FBXO42: variants seen among roughly 807,000 people sequenced by gnomAD.
FBXO42 encodes F-box protein 42.
FBXO42 carries 12 observed loss-of-function variants against 71.7 expected under a neutral mutation model. The observed-to-expected ratio is 0.17, with a 90% CI of 0.11 to 0.27. The LOEUF is 0.27. FBXO42 is among the 10% of genes least tolerant of loss of function. The probability of loss-of-function intolerance (pLI) is 1.00; values close to 1 mark genes in which losing one functional copy is unlikely to be tolerated. For synonymous variants in FBXO42, 325 were observed against 327.5 expected (o/e 0.99, Z 0.08); for missense variants, 707 against 911.9 (o/e 0.78, Z 2.89).
At chr1:16,299,578 G>A (rs1306517098) in intron 3 of FBXO42, among the ~76,000 whole-genome samples, 1 of 152,106 alleles carries the variant, frequency 6.6e-6, no homozygotes, top group African/African-American at 2.4e-5. Flanking sequence ...AGTCAGTTTA[G>A]GCAGCTATAT....
rs2081583888 is a variant in FBXO42 at position 16,250,866 on chromosome 1, T to G, written c.1958A>C (p.Asp653Ala). The change falls in exon 10 of 10, where the codon GAC (aspartate) becomes GCC (alanine). Residue 653 changes from aspartate to alanine, a missense_variant. Physicochemically the swap from Asp to Ala is moderately radical, Grantham distance 126 (BLOSUM62 -2). Around this residue, in one of 5 missense-constraint regions of FBXO42, gnomAD observed 482 missense variants for 587.1 expected, o/e 0.82. Transcript: ENST00000375592. This position sits in a 1 kb window ranked among gnomAD's most constrained non-coding sequence, Gnocchi z 4.7. ...TTTGACCCGCCCCTTCTCCTTGGTG[T>G]CTTTAATGTCCAGCACGTACATCTG... ...PMQMYVLDIK[D>A]TKEKGRVKWK... 1 of 1,614,148 alleles carries G rather than the reference T, an allele frequency of 6.2e-7. No individual in the cohort carries two copies. The highest frequency in any genetic ancestry group is 8.5e-7 in the Non-Finnish European group (1 of 1,180,018).
At chr1:16,286,693 G>A (rs1265865093) in intron 4 of FBXO42, among the ~76,000 whole-genome samples, 2 of 152,142 alleles carry the variant, frequency 1.3e-5, no homozygotes, top group Non-Finnish European at 2.9e-5. Flanking sequence ...CCACCTGGAT[G>A]TCCTAATAAG....
chr1:16,343,826 A>T (rs1474537185), intron 1 of FBXO42, among the ~76,000 whole-genome samples: 1 of 151,744 alleles, frequency 6.6e-6, no homozygotes. Context: ...CTCAAAAAAA[A>T]ATATTGGCCA....
chr1:16,296,373 C>T (rs942363417), intron 3 of FBXO42, among the ~76,000 whole-genome samples: 1 of 150,170 alleles, frequency 6.7e-6, no homozygotes, highest in Non-Finnish European at 1.5e-5. Flanking sequence ...AGATTCAGGC[C>T]AGGTGCAGTG....
rs2082538055 is a variant in FBXO42, at chr1:16,334,976, C to T, written c.-18+17279G>A. Among the ~76,000 whole-genome samples, 3 of 145,414 alleles carry T rather than the reference C, an allele frequency of 2.1e-5. No individual in the cohort carries two copies. The South Asian group carries it at 6.4e-4, about 31-fold the overall frequency. On this transcript the variant is annotated intron_variant, in intron 1 of 9. Transcript: ENST00000375592. ...GCGCAGTGGTTCACACCCGTAATCC[C>T]AGCACTGTGGGAAGCCAAGGTGGGC...
intron 3 of FBXO42, among the ~76,000 whole-genome samples, chr1:16,299,918 C>T (rs2082173708): frequency 6.6e-6 from 1 of 152,220 alleles, no homozygotes; most frequent in Non-Finnish European, 1.5e-5. Context: ...GCTGGGATTA[C>T]AGGCGTGAGC....
chr1:16,321,216 T>G (rs2082407468), intron 1 of FBXO42, among the ~76,000 whole-genome samples: 1 of 152,212 alleles, frequency 6.6e-6, no homozygotes, highest in Non-Finnish European at 1.5e-5. Flanking sequence ...AGGGCATGTT[T>G]GCTAACTTGG....
Position 16,248,567 on chromosome 1 carries a change from G to A in FBXO42, c.*2103C>T, listed in dbSNP as rs1049461301. The A allele has an allele frequency of 3.9e-5, 6 of 152,148 alleles. No individual in the cohort carries two copies. Among genetic ancestry groups the A allele is most frequent in the African/African-American group, 1.2e-4 (5 of 41,404 alleles). The allele number at this position is 152,148 out of a possible 1,614,324, so 9.4% of individuals were successfully genotyped here. The stretch of plus-strand genomic sequence containing the variant: ...TCTAATATACTTTATATTTAGATAG[G>A]AACTACTGAGTTTGGAGGCACAGTC... On this transcript the variant is annotated 3_prime_UTR_variant, in exon 10 of 10. Coordinates refer to ENST00000375592, the MANE Select transcript of FBXO42 (RefSeq NM_018994.3).
At chr1:16,350,757 A>AAAAAAAAGAAAG (rs1553156683) in intron 1 of FBXO42, among the ~76,000 whole-genome samples, 1 of 44,248 alleles carries the variant, frequency 2.3e-5, no homozygotes, top group African/African-American at 8.5e-5. Flanking sequence ...AAAAAAAAAA[A>AAAAAAAAGAAAG]AAAGAAAGAA....
intron 1 of FBXO42, among the ~76,000 whole-genome samples, chr1:16,340,941 C>A (rs954079131): frequency 6.6e-6 from 1 of 151,972 alleles, no homozygotes; most frequent in Non-Finnish European, 1.5e-5. Flanking sequence ...TTCTATTGTA[C>A]CATACCAAAA....
At chr1:16,300,539 T>G (rs1191253092) in intron 3 of FBXO42, among the ~76,000 whole-genome samples, 1 of 152,204 alleles carries the variant, frequency 6.6e-6, no homozygotes, top group Non-Finnish European at 1.5e-5. Flanking sequence ...TTTTGTTTCT[T>G]CACCTGTCTC....
intron 2 of FBXO42, among the ~76,000 whole-genome samples, chr1:16,313,845 T>C (rs980213507): frequency 3.9e-5 from 6 of 152,180 alleles, no homozygotes; most frequent in Non-Finnish European, 4.4e-5. Context: ...AAACAAAAAA[T>C]GGGCCCTTTC....
Position 16,253,105 on chromosome 1 carries a change from A to G in FBXO42, c.912T>C (p.Gly304=). The G allele has an allele frequency of 6.2e-7, 1 of 1,613,668 alleles. No homozygotes were observed. Among genetic ancestry groups the G allele is most frequent in the Non-Finnish European group, 8.5e-7 (1 of 1,179,850 alleles). ...ATILILGGCG[G]PNALFKDAWL... Reference sequence around the variant, plus strand: ...CAGAAGCAATACTCACAGCATTGGGACCGCCACACCCTCCGAGGATTAAGA... The same window carrying G: ...CAGAAGCAATACTCACAGCATTGGGGCCGCCACACCCTCCGAGGATTAAGA... The change falls in exon 8 of 10, where the codon GGT becomes GGC. Residue 304 remains glycine (G), a synonymous_variant. Coordinates refer to ENST00000375592, the MANE Select transcript of FBXO42 (RefSeq NM_018994.3).
At chr1:16,265,380 C>T (rs1034352973) in intron 4 of FBXO42, among the ~76,000 whole-genome samples, 1 of 152,048 alleles carries the variant, frequency 6.6e-6, no homozygotes, top group East Asian at 1.9e-4. Context: ...CATGAGCTAC[C>T]GTGCCCGGCC....
chr1:16,279,186 C>T (rs898645201), intron 4 of FBXO42, among the ~76,000 whole-genome samples: 2 of 152,258 alleles, frequency 1.3e-5, no homozygotes, highest in Non-Finnish European at 2.9e-5. Flanking sequence ...CTTTTTCCTG[C>T]CCCCACCTCC....
intron 4 of FBXO42, among the ~76,000 whole-genome samples, chr1:16,279,495 C>T (rs2081938002): frequency 6.6e-6 from 1 of 152,128 alleles, no homozygotes. Flanking sequence ...GCATCCTGCT[C>T]CTCACCAAAA....
chr1:16,285,174 G>A (rs1188669892), intron 4 of FBXO42, among the ~76,000 whole-genome samples: 2 of 151,558 alleles, frequency 1.3e-5, no homozygotes, highest in African/African-American at 4.8e-5. Flanking sequence ...AAAACACAAC[G>A]AACATCTCAA....
chr1:16,325,279 A>T (rs561966031), intron 1 of FBXO42, among the ~76,000 whole-genome samples: 28 of 152,286 alleles, frequency 1.8e-4, no homozygotes, highest in African/African-American at 6.3e-4. Flanking sequence ...AAGACAAAAC[A>T]AAACTAAACT....
At chr1:16,264,604 TC>T (rs1007868051) in intron 4 of FBXO42, among the ~76,000 whole-genome samples, 92 of 152,250 alleles carry the variant, frequency 6.0e-4, no homozygotes, top group African/African-American at 2.2e-3. Context: ...TTGAGCCTCT[TC>T]CCCTAGAGCC....
Sources: gnomAD v4.1 joint callset for allele counts (sites outside exome capture counted in the v4.1 genomes callset) on GRCh38, gnomAD v4.1.1 for gene constraint, gnomAD v4.1.1 regional missense constraint, Gnocchi (gnomAD v3.1) non-coding constraint, MANE v1.5 for transcripts, NCBI Gene and HGNC (gene_info 2026-07-23, HGNC 2026-07-21) for gene names.